Variants in MESP1 observed in about 807,000 individuals in gnomAD.
MESP1 encodes mesoderm posterior protein 1.
A neutral mutation model predicts 15.2 loss-of-function variants in MESP1; 22 were observed. The ratio of observed to expected loss-of-function variants is 1.45; its 90% confidence interval spans 1.04 to 2.07. MESP1 has a LOEUF of 2.07. MESP1 is among the 30% of genes most tolerant of loss of function. The pLI is 0.00. For missense variants in MESP1, 484 were observed against 411.9 expected (o/e 1.17, Z -1.51); for synonymous variants, 216 against 192.6 (o/e 1.12, Z -1.01).
the MESP1 span, among the ~76,000 whole-genome samples, chr15:89,744,360 C>T: frequency 6.6e-6 from 1 of 152,216 alleles, no homozygotes; most frequent in African/African-American, 2.4e-5. Flanking sequence ...GCCCTCTCCA[C>T]ACCCCACCAT....
chr15:89,733,936 A>ATC, the MESP1 span, among the ~76,000 whole-genome samples: 5 of 150,260 alleles, frequency 3.3e-5, no homozygotes, highest in Non-Finnish European at 7.4e-5. Flanking sequence ...TTCTCCAGGG[A>ATC]TCTCTCTCTC....
At chr15:89,743,445 G>A in the MESP1 span, 1 of 1,566,518 alleles carries the variant, frequency 6.4e-7, no homozygotes, top group Non-Finnish European at 8.8e-7. Context: ...CGAGGCAGCT[G>A]CTCCCAGGAC....
At chr15:89,733,635 G>C in the MESP1 span, among the ~76,000 whole-genome samples, 4 of 152,196 alleles carry the variant, frequency 2.6e-5, no homozygotes, top group South Asian at 6.3e-4. Flanking sequence ...AAAAGGAAGA[G>C]ATACCTGAGC....
At chr15:89,750,369 T>C in intron 1 of MESP1, 140 bp downstream of exon 1, 1 of 1,484,110 alleles carries the variant, frequency 6.7e-7, no homozygotes, top group Non-Finnish European at 9.0e-7. Context: ...CTTCGCTTCT[T>C]GGAGCCCTGG....
chr15:89,738,929 A>T, the MESP1 span, among the ~76,000 whole-genome samples: 5 of 152,068 alleles, frequency 3.3e-5, no homozygotes, highest in Non-Finnish European at 7.3e-5. Context: ...AGCCTGGCCA[A>T]CATGGCGAAA....
chr15:89,746,533 A>C (rs1967960199), downstream of MESP1, among the ~76,000 whole-genome samples: 1 of 137,508 alleles, frequency 7.3e-6, no homozygotes, highest in African/African-American at 3.1e-5. Context: ...ACCTCCACAC[A>C]CGCACACACA....
chr15:89,732,684 C>G, the MESP1 span, among the ~76,000 whole-genome samples: 1 of 151,996 alleles, frequency 6.6e-6, no homozygotes, highest in East Asian at 1.9e-4. Context: ...GCCCATACGC[C>G]TTTGCATCCC....
chr15:89,738,396 G>A, the MESP1 span, among the ~76,000 whole-genome samples: 1 of 152,180 alleles, frequency 6.6e-6, no homozygotes, highest in Non-Finnish European at 1.5e-5. Context: ...GGAGTCCGAG[G>A]CAGGCGGATC....
At chr15:89,744,452 G>C in the MESP1 span, among the ~76,000 whole-genome samples, 1 of 152,234 alleles carries the variant, frequency 6.6e-6, no homozygotes, top group South Asian at 2.1e-4. Flanking sequence ...CTCTGGAGAC[G>C]AGGAAGGAGA....
At chr15:89,736,967 A>C in the MESP1 span, among the ~76,000 whole-genome samples, 2 of 151,916 alleles carry the variant, frequency 1.3e-5, no homozygotes, top group Non-Finnish European at 2.9e-5. Context: ...AATTTTTTGT[A>C]TTTTTAGTAG....
the MESP1 span, among the ~76,000 whole-genome samples, chr15:89,744,665 A>C: frequency 6.6e-6 from 1 of 152,258 alleles, no homozygotes; most frequent in Non-Finnish European, 1.5e-5. Context: ...GGGCTTCTCC[A>C]TAGCAAATGC....
At chr15:89,750,271 C>T in intron 1 of MESP1, 44 bp from the exon 2 acceptor site, 1 of 1,607,722 alleles carries the variant, frequency 6.2e-7, no homozygotes, top group Non-Finnish European at 8.5e-7. Flanking sequence ...GCACTGGTGG[C>T]CTTGTGCGGG....
chr15:89,739,704 G>A, the MESP1 span, among the ~76,000 whole-genome samples: 1 of 152,194 alleles, frequency 6.6e-6, no homozygotes, highest in Non-Finnish European at 1.5e-5. Flanking sequence ...TACAGAACTA[G>A]GTGGCTCTGG....
Position 89,751,093 on chromosome 15 carries a change from G to C in MESP1, c.139C>G (p.Pro47Ala), listed in dbSNP as rs933736116. 6.8e-6 allele frequency: 9 copies of C among 1,323,540 alleles called. No homozygotes were observed. The highest frequency in any genetic ancestry group is 3.7e-5 in the Admixed American group (1 of 27,108). 82.0% of individuals were successfully genotyped at this position (1,323,540 alleles called of 1,614,324 possible). The change falls in exon 1 of 2, where the codon CCA (proline) becomes GCA (alanine). Residue 47 changes from proline (P) to alanine (A), a missense_variant. Physicochemically the swap from Pro to Ala is conservative, Grantham distance 27. Coordinates refer to ENST00000300057, the MANE Select transcript of MESP1 (RefSeq NM_018670.4). ...GGGCTCGCCACGGGGCTGTCGGCTG[G>C]GGTGCTGCCCCATGAGTCTGGGGAC... ...VSSPDSWGST[P>A]ADSPVASPAR...
chr15:89,750,309 G>T, intron 1 of MESP1, 82 bp from the exon 2 acceptor site: 2 of 1,575,968 alleles, frequency 1.3e-6, no homozygotes, highest in Non-Finnish European at 8.7e-7. Context: ...TCCACTCTCA[G>T]GGGGCCCCTA....
the MESP1 span, chr15:89,737,672 G>A: frequency 6.2e-7 from 1 of 1,614,168 alleles, no homozygotes; most frequent in Non-Finnish European, 8.5e-7. Flanking sequence ...TCCTCTGGAG[G>A]TCCCCTGGAA....
At chr15:89,732,604 T>C in the MESP1 span, among the ~76,000 whole-genome samples, 1 of 143,714 alleles carries the variant, frequency 7.0e-6, no homozygotes, top group Admixed American at 6.9e-5. Flanking sequence ...TATTAAGTTC[T>C]TGTTGTTTGG....
At chr15:89,746,187 A>T (rs1353827041), downstream of MESP1, among the ~76,000 whole-genome samples, 2 of 138,950 alleles carry the variant, frequency 1.4e-5, no homozygotes, top group Non-Finnish European at 3.1e-5. Flanking sequence ...TCCACACAGC[A>T]TCCATACCTA....
chr15:89,750,959 C>T lies in MESP1; in HGVS notation c.273G>A (p.Glu91=), dbSNP rs1368031649. ...SGQRQSASER[E]KLRMRTLARA... ...GGGCCAGCGTGCGCATGCGCAGTTT[C>T]TCCCGCTCACTGGCGCTCTGCCTCT... The change falls in exon 1 of 2, where the codon GAG becomes GAA. Residue 91 remains glutamate (E), a synonymous_variant. Transcript: ENST00000300057. 8 of 1,442,808 alleles carry T rather than the reference C, an allele frequency of 5.5e-6. No individual in the cohort carries two copies. Among genetic ancestry groups the T allele is most frequent in the Non-Finnish European group, 5.4e-6 (6 of 1,102,534 alleles). The allele number at this position is 1,442,808 out of a possible 1,614,324, so 89.4% of individuals were successfully genotyped here. A position where few individuals can be genotyped will look rare whatever the true frequency, so the allele number is the denominator to read the frequency against.
Sources: gnomAD v4.1 joint callset for allele counts (sites outside exome capture counted in the v4.1 genomes callset) on GRCh38, gnomAD v4.1.1 for gene constraint, MANE v1.5 for transcripts, NCBI Gene and HGNC (gene_info 2026-07-23, HGNC 2026-07-21) for gene names.